The following PDZD2 variants were observed in gnomAD, a reference collection of about 807,000 sequenced individuals.
PDZD2 encodes the protein PDZ domain-containing protein 2.
Under a neutral mutation model 220.7 loss-of-function variants are expected in PDZD2, and 90 were observed. The observed-to-expected ratio is 0.41, with a 90% CI of 0.34 to 0.49. PDZD2 has a LOEUF of 0.49. Ranked by LOEUF, PDZD2 falls within the 20% of genes least tolerant of loss-of-function variation. PDZD2 has a pLI of 0.28. For synonymous variants in PDZD2, 1,375 were observed against 1,450.5 expected, an observed-to-expected ratio of 0.95 and a Z score of 1.18; for missense variants, 3,174 against 3,608.5, an observed-to-expected ratio of 0.88 and a Z score of 3.08.
intron 2 of PDZD2, among the ~76,000 whole-genome samples, chr5:31,877,945 T>A (rs1373700906): frequency 1.3e-5 from 2 of 152,156 alleles, no homozygotes; most frequent in African/African-American, 2.4e-5. Flanking sequence ...CACCTTGGCC[T>A]CCCAAAGTGC....
intron 2 of PDZD2, among the ~76,000 whole-genome samples, chr5:31,838,566 T>G (rs1216908594): frequency 1.3e-5 from 2 of 151,852 alleles, no homozygotes; most frequent in African/African-American, 4.8e-5. Flanking sequence ...TGCAGGTGAG[T>G]TTTCAAAAGC....
intron 2 of PDZD2, among the ~76,000 whole-genome samples, chr5:31,949,978 G>A (rs1344969432): frequency 6.6e-6 from 1 of 151,850 alleles, no homozygotes; most frequent in Non-Finnish European, 1.5e-5. Context: ...CACCATGCCC[G>A]GCTGCCATTT....
rs1742553647 is a variant in PDZD2 at position 32,087,184 on chromosome 5, C to T, written c.3736C>T (p.His1246Tyr). The change falls in exon 20 of 25, where the codon CAT (histidine) becomes TAT (tyrosine). Residue 1246 changes from histidine (H) to tyrosine (Y), a missense_variant. Transcript: ENST00000438447. The surrounding 1 kb of genome is among the most constrained non-coding windows in gnomAD (Gnocchi z 4.0). ...ISSPGKKGAA[H>Y]PDPSKTSVDT... ...TTCCCCAGGGAAGAAGGGGGCCGCT[C>T]ATCCTGACCCCAGCAAGACCTCTGT... 2 of 1,613,828 alleles carry T rather than the reference C, an allele frequency of 1.2e-6. No individual in the cohort carries two copies. The highest frequency in any genetic ancestry group is 2.2e-5 in the East Asian group (1 of 44,878).
chr5:31,779,037 T>C (rs187387742), intron 1 of PDZD2, among the ~76,000 whole-genome samples: 42 of 152,234 alleles, frequency 2.8e-4, no homozygotes, highest in African/African-American at 8.4e-4. Flanking sequence ...AAACCACAAA[T>C]CTGGTTATAT....
intron 1 of PDZD2, among the ~76,000 whole-genome samples, chr5:31,737,919 T>A (rs1750007388): frequency 6.6e-6 from 1 of 152,210 alleles, no homozygotes; most frequent in Non-Finnish European, 1.5e-5. Flanking sequence ...ACATTGCTAC[T>A]AGCCCTACTT....
chr5:31,838,600 A>G (rs1757085210), intron 2 of PDZD2, among the ~76,000 whole-genome samples: 1 of 152,244 alleles, frequency 6.6e-6, no homozygotes, highest in South Asian at 2.1e-4. Context: ...TTGTTCTGTG[A>G]AAATAAATTA....
chr5:31,642,061 T>C (rs1744968853), intron 1 of PDZD2, among the ~76,000 whole-genome samples: 2 of 152,126 alleles, frequency 1.3e-5, no homozygotes, highest in Non-Finnish European at 2.9e-5. Context: ...GGATACCCCC[T>C]TGCCTTTGAT....
At chr5:32,033,614 A>G (rs1359109622) in intron 6 of PDZD2, among the ~76,000 whole-genome samples, 1 of 126,984 alleles carries the variant, frequency 7.9e-6, no homozygotes, top group Non-Finnish European at 1.8e-5. Flanking sequence ...AGCCACATAC[A>G]CCATCTCTCT....
chr5:31,805,473 A>G (rs930118862), intron 2 of PDZD2, among the ~76,000 whole-genome samples: 1 of 152,186 alleles, frequency 6.6e-6, no homozygotes, highest in Non-Finnish European at 1.5e-5. Flanking sequence ...TCTGCCTCCC[A>G]GCAAATGGTT....
rs781693328 is a variant in PDZD2, at chr5:32,074,464, C to T, written c.3358C>T (p.Pro1120Ser). 6.2e-7 allele frequency: 1 copy of T among 1,614,232 alleles called. No individual in the cohort carries two copies. Among genetic ancestry groups the T allele is most frequent in the South Asian group, 1.1e-5 (1 of 91,090 alleles). The change falls in exon 18 of 25, where the codon CCA becomes TCA. Residue 1120 changes from proline (P) to serine (S), a missense_variant. By Grantham distance (74) the Pro-to-Ser change is moderately conservative. This residue lies in a region of PDZD2 where 1,861 missense variants were observed against 2,001.0 expected (regional missense o/e 0.93). Transcript: ENST00000438447. The stretch of plus-strand genomic sequence containing the variant: ...TGAAGGCCTGGGCTCCAGGCACAGA[C>T]CAGTGGCCAGGGTAAGCCCCCACTG... ...KSEGLGSRHR[P>S]VARVSPHCKR...
chr5:31,766,959 C>A (rs761605108), intron 1 of PDZD2, among the ~76,000 whole-genome samples: 2 of 150,980 alleles, frequency 1.3e-5, no homozygotes, highest in East Asian at 2.0e-4. Context: ...AACTCCTGAC[C>A]TCAGGTGATC....
At chr5:31,806,628 C>T (rs955984497) in intron 2 of PDZD2, among the ~76,000 whole-genome samples, 1 of 152,194 alleles carries the variant, frequency 6.6e-6, no homozygotes, top group Non-Finnish European at 1.5e-5. Context: ...TTGTGAGCTC[C>T]ATCACATCCA....
chr5:31,948,621 T>C (rs937220004), intron 2 of PDZD2, among the ~76,000 whole-genome samples: 1 of 152,078 alleles, frequency 6.6e-6, no homozygotes, highest in East Asian at 1.9e-4. Context: ...TTTGCAGACA[T>C]AAGGTATAAA....
At chr5:31,940,329 A>G (rs1505019) in intron 2 of PDZD2, among the ~76,000 whole-genome samples, 62,474 of 152,036 alleles carry the variant, frequency 0.41, 13,339 homozygotes, top group Middle Eastern at 0.57. Flanking sequence ...TTCGTTAAGC[A>G]CATGGGTGCC....
chr5:32,010,016 G>A (rs1433968394), intron 5 of PDZD2, among the ~76,000 whole-genome samples: 4 of 146,818 alleles, frequency 2.7e-5, no homozygotes, highest in Non-Finnish European at 5.9e-5. Flanking sequence ...GAACCCGGGA[G>A]GCGGAGGTTG....
intron 2 of PDZD2, among the ~76,000 whole-genome samples, chr5:31,816,847 C>T (rs767369421): frequency 7.2e-5 from 11 of 152,282 alleles, no homozygotes; most frequent in Admixed American, 1.3e-4. Context: ...CCATTTGAAT[C>T]TATGTATCCT....
intron 1 of PDZD2, among the ~76,000 whole-genome samples, chr5:31,769,056 C>T (rs149734337): frequency 1.0e-3 from 153 of 152,258 alleles, no homozygotes; most frequent in African/African-American, 3.5e-3. Context: ...GGATGGAATT[C>T]GGTTTGCAGG....
intron 6 of PDZD2, among the ~76,000 whole-genome samples, chr5:32,025,614 T>C (rs1185376216): frequency 6.3e-5 from 4 of 63,094 alleles, no homozygotes; most frequent in African/African-American, 2.1e-4. Context: ...TTTTTTTTTT[T>C]TTTTTGGAAA....
intron 2 of PDZD2, among the ~76,000 whole-genome samples, chr5:31,922,973 G>A (rs1028402497): frequency 2.8e-5 from 4 of 141,724 alleles, no homozygotes; most frequent in Admixed American, 1.5e-4. Context: ...GAGCCACCAC[G>A]CCCAGCTCTT....
Sources: gnomAD v4.1 joint callset for allele counts (sites outside exome capture counted in the v4.1 genomes callset) on GRCh38, gnomAD v4.1.1 for gene constraint, gnomAD v4.1.1 regional missense constraint, Gnocchi (gnomAD v3.1) non-coding constraint, MANE v1.5 for transcripts, NCBI Gene and HGNC (gene_info 2026-07-23, HGNC 2026-07-21) for gene names.